The following DIS3 variants were observed in gnomAD, a reference collection of about 807,000 sequenced individuals.
The protein encoded by DIS3 is DIS3 exosome endoribonuclease and 3'-5' exoribonuclease, also known as exosome complex exonuclease RRP44.
Under a neutral mutation model 113.0 loss-of-function variants are expected in DIS3, and 103 were observed. The observed-to-expected ratio is 0.91, with a 90% confidence interval of 0.78 to 1.07. The LOEUF (loss-of-function observed/expected upper bound fraction) is 1.07. DIS3 is among the 50% of genes least tolerant of loss of function. DIS3 has a pLI of 0.00. For synonymous variants in DIS3, 402 were observed against 394.3 expected (o/e 1.02, Z -0.23); for missense variants, 1,121 against 1,167.1 (o/e 0.96, Z 0.58).
rs1593849683 is a variant in DIS3 at position 72,775,312 on chromosome 13, G to C, written c.886C>G (p.Leu296Val). ...GCTACCCACTGACTCTTGGGGAGAA[G>C]CTCCACAGCCACAATATCTTCGTGA... ...AVHEDIVAVE[L>V]LPKSQWVAPS... is the part of the protein sequence containing the mutation. The change falls in exon 6 of 21, where the codon CTT (leucine) becomes GTT (valine). Residue 296 changes from leucine to valine, a missense_variant. Physicochemically the swap from Leu to Val is conservative, Grantham distance 32 (BLOSUM62 1). Around this residue, in one of 3 missense-constraint regions of DIS3, gnomAD observed 861 missense variants for 915.5 expected, o/e 0.94. Transcript: ENST00000377767. The C allele has an allele frequency of 6.2e-7, 1 of 1,613,674 alleles. No homozygotes were observed. Among genetic ancestry groups the C allele is most frequent in the Non-Finnish European group, 8.5e-7 (1 of 1,179,734 alleles).
intron 15 of DIS3, among the ~76,000 whole-genome samples, chr13:72,765,131 C>CA (rs1164627199): frequency 3.6e-4 from 55 of 151,804 alleles, no homozygotes; most frequent in African/African-American, 1.3e-3. Flanking sequence ...CCTGATTTAA[C>CA]AAAAAAATTC....
intron 9 of DIS3, 130 bp downstream of exon 9, chr13:72,772,563 G>A: frequency 9.9e-7 from 1 of 1,013,370 alleles, no homozygotes; most frequent in Non-Finnish European, 1.4e-6. Context: ...TCCTAAGAAT[G>A]CTATACCCAA....
Position 72,768,854 on chromosome 13 carries a change from T to A in DIS3, c.1814A>T (p.Asp605Val). Residue 605 changes from aspartate (D) to valine (V), a missense_variant, in exon 14 of 21, where the codon GAT becomes GTT. Physicochemically the swap from Asp to Val is radical, Grantham distance 152 (BLOSUM62 -3). Around this residue, in one of 3 missense-constraint regions of DIS3, gnomAD observed 861 missense variants for 915.5 expected, o/e 0.94. Coordinates refer to ENST00000377767, the MANE Select transcript of DIS3 (RefSeq NM_014953.5). ...LRIDSANMND[D>V]ITTSLRGLNK... ...CAGTCCACGGAGACTAGTGGTAATA[T>A]CATCATTCATGTTTGCTGAATCAAT... is the stretch of plus-strand genomic sequence containing the variant. 1 of 1,607,962 alleles carries A rather than the reference T, an allele frequency of 6.2e-7. No individual in the cohort carries two copies. The highest frequency in any genetic ancestry group is 8.5e-7 in the Non-Finnish European group (1 of 1,174,858).
chr13:72,772,033 C>T (rs2033897871), intron 10 of DIS3, 126 bp downstream of exon 10: 1 of 1,199,418 alleles, frequency 8.3e-7, no homozygotes, highest in Non-Finnish European at 1.2e-6. Context: ...TGACATATGG[C>T]CAATAGCGTG....
Position 72,761,822 on chromosome 13 carries a change from G to C in DIS3, c.2343-8C>G, listed in dbSNP as rs920260367. Reference sequence around the variant, plus strand: ...ACAATGACATCTGCGTATCTAGATAGATGGAAAAATAAGAACCATGGTATG... The same window carrying C: ...ACAATGACATCTGCGTATCTAGATACATGGAAAAATAAGAACCATGGTATG... On this transcript the variant is annotated splice_polypyrimidine_tract_variant and splice_region_variant and intron_variant, in intron 17 of 20. Transcript: ENST00000377767. 2 of 1,609,734 alleles carry C rather than the reference G, an allele frequency of 1.2e-6. No individual in the cohort carries two copies. The highest frequency in any genetic ancestry group is 1.7e-6 in the Non-Finnish European group (2 of 1,178,858).
chr13:72,774,928 C>G (rs536451950), intron 6 of DIS3, among the ~76,000 whole-genome samples: 1 of 152,250 alleles, frequency 6.6e-6, no homozygotes, highest in East Asian at 1.9e-4. Flanking sequence ...TTAAATCTCA[C>G]TAAGTCTAAT....
chr13:72,771,757 G>A lies in DIS3; in HGVS notation c.1605+38C>T, dbSNP rs372059959. ...CATGGCCGTTTAAGAATCCTTAAGT[G>A]TCCATGACTGTTAAATTTTTAAATT... On this transcript the variant is annotated intron_variant, in intron 11 of 20. Coordinates refer to ENST00000377767, the MANE Select transcript of DIS3 (RefSeq NM_014953.5). 50 of 1,587,462 alleles carry A rather than the reference G, an allele frequency of 3.1e-5. No individual in the cohort carries two copies. In the African/African-American group the frequency reaches 6.5e-4, roughly 21 times the overall value.
At chr13:72,781,366 A>G in intron 1 of DIS3, 1 of 1,550,964 alleles carries the variant, frequency 6.4e-7, no homozygotes, top group East Asian at 2.4e-5. Context: ...TCTAAGGCAG[A>G]AGAGACACCA....
rs1175248664 is a variant in DIS3 at position 72,753,789 on chromosome 13, G to A, written c.*6006C>T. The A allele has an allele frequency of 1.9e-6, 3 of 1,613,264 alleles. No homozygotes were observed. The highest frequency in any genetic ancestry group is 2.5e-6 in the Non-Finnish European group (3 of 1,179,500). On this transcript the variant is annotated 3_prime_UTR_variant, in exon 21 of 21. Coordinates refer to ENST00000377767, the MANE Select transcript of DIS3 (RefSeq NM_014953.5). ...AGAAAGTGATGCACAAACATGTGAA[G>A]TTGAGAGTAAATCTCAAGCATTTAA...
In DIS3 at chr13:72,772,719, T is replaced by C; in HGVS notation, c.1360A>G (p.Lys454Glu). 1 of 1,611,844 alleles carries C rather than the reference T, an allele frequency of 6.2e-7. No homozygotes were observed. The highest frequency in any genetic ancestry group is 8.5e-7 in the Non-Finnish European group (1 of 1,179,488). Residue 454 changes from lysine (K) to glutamate (E), a missense_variant, in exon 9 of 21, where the codon AAG (lysine) becomes GAG (glutamate). Coordinates refer to ENST00000377767, the MANE Select transcript of DIS3 (RefSeq NM_014953.5). ...TTTTCAGTAATGCTCCAGGGCATCTTTGGCAGAAAACTAAGAACAGCCTGT... is the reference window on the plus strand; with the variant it reads ...TTTTCAGTAATGCTCCAGGGCATCTCTGGCAGAAAACTAAGAACAGCCTGT... ...FSQAVLSFLP[K>E]MPWSITEKDM...
At position 72,753,539 on chromosome 13, in the gene DIS3, G is replaced by T; in HGVS notation, c.*6256C>A. 2.8e-6 allele frequency: 2 copies of T among 724,046 alleles called. No individual in the cohort carries two copies. The highest frequency in any genetic ancestry group is 2.2e-6 in the Non-Finnish European group (1 of 450,642). The allele number at this position is 724,046 out of a possible 1,614,324, so 44.9% of individuals were successfully genotyped here. A position where few individuals can be genotyped will look rare whatever the true frequency, so the allele number is the denominator to read the frequency against. ...CTATGCAGGACTACCTTTTATATTT[G>T]TGCATTACTTTTGAATTTTGTTCAA... On this transcript the variant is annotated 3_prime_UTR_variant, in exon 21 of 21. Transcript: ENST00000377767.
At chr13:72,774,211 G>C (rs141952581) in intron 6 of DIS3, 152 bp from the exon 7 acceptor site, 19 of 531,644 alleles carry the variant, frequency 3.6e-5, no homozygotes, top group Middle Eastern at 4.8e-4. Flanking sequence ...CAACATTCTA[G>C]ACAAGAACAT....
chr13:72,762,790 A>C (rs1234833032), intron 16 of DIS3, among the ~76,000 whole-genome samples: 3 of 152,202 alleles, frequency 2.0e-5, no homozygotes, highest in Non-Finnish European at 4.4e-5. Context: ...TTTCTTACGA[A>C]CAAGAAATGG....
In DIS3 at chr13:72,757,402, A is replaced by G. The variant is rs1376687674; in HGVS notation, c.*2393T>C. ...GGTGGGATTAAAGGCACTTGCCACC[A>G]CACCTGGCTAATTTTCTTTTCTTTT... On this transcript the variant is annotated 3_prime_UTR_variant, in exon 21 of 21. Coordinates refer to ENST00000377767, the MANE Select transcript of DIS3 (RefSeq NM_014953.5). 1 of 141,952 alleles carries G rather than the reference A, an allele frequency of 7.0e-6. No individual in the cohort carries two copies. The highest frequency in any genetic ancestry group is 2.3e-4 in the South Asian group (1 of 4,402). 8.8% of individuals were successfully genotyped at this position (141,952 alleles called of 1,614,324 possible).
intron 16 of DIS3, among the ~76,000 whole-genome samples, chr13:72,762,939 T>C (rs1169244073): frequency 6.6e-6 from 1 of 152,138 alleles, no homozygotes; most frequent in African/African-American, 2.4e-5. Flanking sequence ...AAGAGTTTTA[T>C]ATGACCAGGA....
In DIS3 at chr13:72,754,019, GT is replaced by G. The variant is rs2033361146; in HGVS notation, c.*5775del. The G allele has an allele frequency of 1.9e-6, 1 of 518,082 alleles. No homozygotes were observed. Among genetic ancestry groups the G allele is most frequent in the African/African-American group, 1.9e-5 (1 of 51,606 alleles). The allele number at this position is 518,082 out of a possible 1,614,324, so 32.1% of individuals were successfully genotyped here. On this transcript the variant is annotated 3_prime_UTR_variant, in exon 21 of 21. Transcript: ENST00000377767. ...ACAAGTATCTTACATACTACAAAGT[GT>G]GCAAAGGTAGCGTGTATTTGATGAG...
chr13:72,781,693 G>T lies in DIS3; in HGVS notation c.140C>A (p.Ala47Asp). The change falls in exon 1 of 21, where the codon GCC becomes GAC. Residue 47 changes from alanine to aspartate, a missense_variant. Physicochemically the swap from Ala to Asp is moderately radical, Grantham distance 126. This residue lies in a region of DIS3 where 254 missense variants were observed against 232.2 expected (regional missense o/e 1.09). Transcript: ENST00000377767. The part of the protein sequence containing the change: ...AACGGAHEGP[A>D]LEPQPQDPAS... ...CGGGTCCTGGGGCTGCGGCTCCAGG[G>T]CCGGCCCCTCGTGCGCCCCTCCACA... is the stretch of plus-strand genomic sequence containing the variant. The T allele has an allele frequency of 6.4e-7, 1 of 1,558,046 alleles. No individual in the cohort carries two copies. Among genetic ancestry groups the T allele is most frequent in the Non-Finnish European group, 8.7e-7 (1 of 1,152,168 alleles).
chr13:72,774,519 G>A (rs1047773223), intron 6 of DIS3, among the ~76,000 whole-genome samples: 1 of 151,922 alleles, frequency 6.6e-6, no homozygotes, highest in East Asian at 1.9e-4. Context: ...AATAAAGAGG[G>A]TCTGCTATTA....
In DIS3 at chr13:72,755,273, G is replaced by A; in HGVS notation, c.*4522C>T. On this transcript the variant is annotated 3_prime_UTR_variant, in exon 21 of 21. Transcript: ENST00000377767. ...AAGAGTTCCTCGCATATATCGTTGT[G>A]CACAGGATCAACATGATGGTGACTG... is the stretch of plus-strand genomic sequence containing the variant. 7.0e-7 allele frequency: 1 copy of A among 1,427,198 alleles called. No homozygotes were observed. The highest frequency in any genetic ancestry group is 9.8e-7 in the Non-Finnish European group (1 of 1,015,520). The allele number at this position is 1,427,198 out of a possible 1,614,324, so 88.4% of individuals were successfully genotyped here. A position where few individuals can be genotyped will look rare whatever the true frequency, so the allele number is the denominator to read the frequency against.
Sources: allele counts gnomAD v4.1 joint callset (sites outside exome capture counted in the v4.1 genomes callset), GRCh38; gene constraint gnomAD v4.1.1; regional missense constraint gnomAD v4.1.1; transcripts MANE v1.5; gene names NCBI Gene and HGNC (gene_info 2026-07-23, HGNC 2026-07-21).